SLC25A53: variants seen among roughly 807,000 people sequenced by gnomAD.
SLC25A53 encodes solute carrier family 25 member 53, also known as mitochondrial carrier triple repeat protein 6.
A neutral mutation model predicts 15.0 loss-of-function variants in SLC25A53; 5 were observed. That is an observed-to-expected ratio of 0.33 (90% CI 0.17 to 0.70). The LOEUF (loss-of-function observed/expected upper bound fraction) is 0.70, where lower values mean the gene tolerates loss of function less well. SLC25A53 is among the 30% of genes least tolerant of loss of function. SLC25A53 has a pLI of 0.67. For synonymous variants in SLC25A53, 95 were observed against 100.0 expected, an observed-to-expected ratio of 0.95 and a Z score of 0.30; for missense variants, 216 against 241.6, an observed-to-expected ratio of 0.89 and a Z score of 0.70.
chrX:104,153,148 C>G (rs1460732336), intron 1 of SLC25A53, among the ~76,000 whole-genome samples: 1 of 111,066 alleles, frequency 9.0e-6, no homozygotes, highest in Non-Finnish European at 1.9e-5. Context: ...TTCAGTCACA[C>G]CTTGCATAGC....
chrX:104,116,422 G>T (rs1456047181), intron 1 of SLC25A53, among the ~76,000 whole-genome samples: 1 of 111,038 alleles, frequency 9.0e-6, no homozygotes, highest in Non-Finnish European at 1.9e-5. Flanking sequence ...GGGGGTCCCT[G>T]GGCTGACAAG....
At chrX:104,154,780 C>T (rs2075495438) in intron 1 of SLC25A53, among the ~76,000 whole-genome samples, 1 of 112,010 alleles carries the variant, frequency 8.9e-6, no homozygotes. Flanking sequence ...ATGGAACCCA[C>T]AAACACAGAG....
chrX:104,123,107 T>G (rs2075399861), intron 1 of SLC25A53, among the ~76,000 whole-genome samples: 1 of 112,181 alleles, frequency 8.9e-6, no homozygotes, highest in Non-Finnish European at 1.9e-5. Context: ...ACGACACCAA[T>G]CGCTTCGCTC....
At chrX:104,122,615 T>C (rs782342672) in intron 1 of SLC25A53, among the ~76,000 whole-genome samples, 1 of 111,553 alleles carries the variant, frequency 9.0e-6, no homozygotes, top group South Asian at 3.8e-4. Flanking sequence ...TTTATAGGGA[T>C]ACAACAGCCC....
chrX:104,131,002 T>C (rs1423057726), intron 1 of SLC25A53: 1 of 111,761 alleles, frequency 8.9e-6, no homozygotes, highest in Admixed American at 9.5e-5. Context: ...ACTAGAGAAT[T>C]CTCCTGTCCC....
intron 1 of SLC25A53, among the ~76,000 whole-genome samples, chrX:104,116,971 C>A (rs1556361497): frequency 9.3e-6 from 1 of 107,178 alleles, no homozygotes. Flanking sequence ...CAATCTATAT[C>A]CTCACAGTCT....
Position 104,104,845 on chromosome X carries a change from A to T in SLC25A53, c.413T>A (p.Val138Glu), listed in dbSNP as rs2075299383. 1 of 1,209,644 alleles carries T rather than the reference A, an allele frequency of 8.3e-7. No homozygotes were observed. Among genetic ancestry groups the T allele is most frequent in the Non-Finnish European group, 1.1e-6 (1 of 895,184 alleles). The change falls in exon 2 of 2, where the codon GTG (valine) becomes GAG (glutamate). Residue 138 changes from valine to glutamate, a missense_variant. Physicochemically the swap from Val to Glu is moderately radical, Grantham distance 121. Coordinates refer to ENST00000594199, the MANE Select transcript of SLC25A53 (RefSeq NM_001012755.5). ...GCGACCATCCTGGAGCACATTTTGC[A>T]CCCTTTCAAAGGGGCTGAGTGCCAC... is the stretch of plus-strand genomic sequence containing the variant. The part of the protein sequence containing the change: ...EAVALSPFER[V>E]QNVLQDGRKQ...
intron 1 of SLC25A53, among the ~76,000 whole-genome samples, chrX:104,125,175 A>G (rs1216229224): frequency 7.3e-5 from 8 of 110,101 alleles, no homozygotes; most frequent in South Asian, 3.9e-4. Flanking sequence ...AGAAAGGGGA[A>G]TAAGTAGAAG....
chrX:104,129,733 A>C (rs1485238244), intron 1 of SLC25A53, among the ~76,000 whole-genome samples: 1 of 107,845 alleles, frequency 9.3e-6, no homozygotes, highest in Non-Finnish European at 1.9e-5. Flanking sequence ...AATAATAATA[A>C]ACTTTTTATA....
chrX:104,109,479 T>A (rs1337012198), intron 1 of SLC25A53, among the ~76,000 whole-genome samples: 4 of 112,505 alleles, frequency 3.6e-5, no homozygotes, highest in African/African-American at 1.3e-4. Context: ...ATAAGTTGCT[T>A]CATAAGTTAT....
intron 1 of SLC25A53, among the ~76,000 whole-genome samples, chrX:104,151,853 C>T (rs2075485503): frequency 8.9e-6 from 1 of 111,747 alleles, no homozygotes; most frequent in Admixed American, 9.5e-5. Context: ...GTTTTATCTC[C>T]TCACATTTCA....
intron 1 of SLC25A53, among the ~76,000 whole-genome samples, chrX:104,120,092 C>T (rs184739451): frequency 1.8e-5 from 2 of 111,970 alleles, no homozygotes; most frequent in Non-Finnish European, 3.8e-5. Context: ...TTCCATTCTA[C>T]GACTTTACAA....
intron 1 of SLC25A53, among the ~76,000 whole-genome samples, chrX:104,119,688 G>A (rs1476285942): frequency 1.1e-4 from 12 of 109,594 alleles, no homozygotes; most frequent in African/African-American, 2.0e-4. Flanking sequence ...CTCTTTAAGC[G>A]GGGGGCGGGG....
intron 1 of SLC25A53, among the ~76,000 whole-genome samples, chrX:104,111,338 G>T (rs781832017): frequency 8.9e-6 from 1 of 111,741 alleles, no homozygotes; most frequent in Admixed American, 9.5e-5. Context: ...AATAGCATGA[G>T]TTCTGGATTC....
At chrX:104,125,349 C>T (rs1374406550) in intron 1 of SLC25A53, among the ~76,000 whole-genome samples, 1 of 111,793 alleles carries the variant, frequency 8.9e-6, no homozygotes, top group Non-Finnish European at 1.9e-5. Flanking sequence ...AAAATAAACC[C>T]TCTCCACTGT....
chrX:104,140,164 C>G (rs1018109658), intron 1 of SLC25A53, among the ~76,000 whole-genome samples: 5 of 111,358 alleles, frequency 4.5e-5, no homozygotes, highest in Non-Finnish European at 9.4e-5. Flanking sequence ...ACTCTGTTCC[C>G]CAGGCTGGAG....
At chrX:104,129,860 ATGTGTGTG>A (rs60729916) in intron 1 of SLC25A53, among the ~76,000 whole-genome samples, 22 of 89,975 alleles carry the variant, frequency 2.4e-4, no homozygotes, top group South Asian at 1.3e-3. Flanking sequence ...ACACAAATGT[ATGTGTGTG>A]TGTGTGTGTG....
intron 1 of SLC25A53, among the ~76,000 whole-genome samples, chrX:104,133,951 T>A (rs1556365923): frequency 9.0e-6 from 1 of 111,667 alleles, no homozygotes; most frequent in Non-Finnish European, 1.9e-5. Flanking sequence ...TTTTAAAAAT[T>A]GAAGAAAAAC....
chrX:104,112,114 T>A (rs1404303499), intron 1 of SLC25A53: 3 of 112,100 alleles, frequency 2.7e-5, no homozygotes, highest in African/African-American at 9.7e-5. Context: ...AAAGGAGATG[T>A]CCATGCAGGC....
Sources: gnomAD v4.1 joint callset for allele counts (sites outside exome capture counted in the v4.1 genomes callset) on GRCh38, gnomAD v4.1.1 for gene constraint, MANE v1.5 for transcripts, NCBI Gene and HGNC (gene_info 2026-07-23, HGNC 2026-07-21) for gene names.